SERPINA9: variants seen among roughly 807,000 people sequenced by gnomAD.
SERPINA9 encodes the protein serpin A9.
Under a neutral mutation model 24.5 loss-of-function variants are expected in SERPINA9, and 32 were observed. The ratio of observed to expected loss-of-function variants is 1.30; its 90% CI spans 0.98 to 1.75. The LOEUF is 1.75. Among genes scored for constraint, SERPINA9 ranks in the 40% most tolerant of loss-of-function variants. The pLI, the probability that SERPINA9 is intolerant of heterozygous loss-of-function variation, is 0.00. For synonymous variants in SERPINA9, 233 were observed against 197.7 expected (o/e 1.18, Z -1.50); for missense variants, 594 against 497.1 (o/e 1.19, Z -1.85).
chr14:94,475,436 A>G (rs1899554385), intron 1 of SERPINA9, among the ~76,000 whole-genome samples: 1 of 71,010 alleles, frequency 1.4e-5, no homozygotes, highest in African/African-American at 5.5e-5. Context: ...ACACACACAC[A>G]TACACACACA....
At chr14:94,475,118 A>G (rs1212516696) in intron 1 of SERPINA9, among the ~76,000 whole-genome samples, 1 of 151,130 alleles carries the variant, frequency 6.6e-6, no homozygotes, top group East Asian at 2.0e-4. Flanking sequence ...ACTGTGCTTC[A>G]CCCCCAGGCC....
In SERPINA9 at chr14:94,463,069, A is replaced by G. The variant is rs373273760; in HGVS notation, c.*24T>C. 137 of 1,565,614 alleles carry G rather than the reference A, an allele frequency of 8.8e-5. No individual in the cohort carries two copies. Among genetic ancestry groups the G allele is most frequent in the Admixed American group, 3.7e-4 (22 of 59,942 alleles). On this transcript the variant is annotated 3_prime_UTR_variant, in exon 5 of 5. Coordinates refer to ENST00000674397, the MANE Select transcript of SERPINA9 (RefSeq NM_175739.4). ...ATTTCTTGTGCATTAGCAATGTGCC[A>G]TCAGTTAACAGGCCATTTCCCACCT... is the stretch of plus-strand genomic sequence containing the variant.
chr14:94,469,245 G>A lies in SERPINA9; in HGVS notation c.596C>T (p.Ala199Val). Residue 199 changes from alanine to valine, a missense_variant, in exon 2 of 5, where the codon GCC (alanine) becomes GTC (valine). Ala to Val is a moderately conservative substitution (Grantham distance 64). Transcript: ENST00000674397. ...DIIQGLDLLT[A>V]MVLVNHIFFK... is the part of the protein sequence containing the mutation. ...GAAAATGTGGTTCACCAGAACCATG[G>A]CCGTCAGAAGGTCAAGGCCTTGGAT... The A allele has an allele frequency of 6.2e-7, 1 of 1,613,820 alleles. No homozygotes were observed. The highest frequency in any genetic ancestry group is 8.5e-7 in the Non-Finnish European group (1 of 1,179,864).
intron 1 of SERPINA9, chr14:94,475,839 T>G: frequency 2.1e-6 from 1 of 482,254 alleles, no homozygotes; most frequent in South Asian, 4.1e-5. Flanking sequence ...TCTCATTTGC[T>G]TCTAGCAGCT....
chr14:94,475,115 T>C, intron 1 of SERPINA9, among the ~76,000 whole-genome samples: 1 of 152,094 alleles, frequency 6.6e-6, no homozygotes, highest in East Asian at 1.9e-4. Context: ...TCTACTGTGC[T>C]TCACCCCCAG....
At chr14:94,470,705 C>T (rs72631636) in intron 1 of SERPINA9, among the ~76,000 whole-genome samples, 2,709 of 152,242 alleles carry the variant, frequency 0.018, 113 homozygotes, top group South Asian at 0.13. Flanking sequence ...TTGTGCAGCA[C>T]GGGACCCAGC....
intron 3 of SERPINA9, among the ~76,000 whole-genome samples, chr14:94,465,511 G>A (rs1898961107): frequency 1.3e-5 from 2 of 150,512 alleles, no homozygotes; most frequent in Non-Finnish European, 2.9e-5. Flanking sequence ...TGAACCAAGA[G>A]TAAACAGCCC....
intron 1 of SERPINA9, among the ~76,000 whole-genome samples, chr14:94,475,737 A>C (rs1899591224): frequency 6.6e-6 from 1 of 152,240 alleles, no homozygotes; most frequent in African/African-American, 2.4e-5. Context: ...TCTCAAGCTG[A>C]TCCTTGCTGT....
chr14:94,474,383 T>C (rs990669218), intron 1 of SERPINA9, among the ~76,000 whole-genome samples: 43 of 152,300 alleles, frequency 2.8e-4, no homozygotes, highest in African/African-American at 9.4e-4. Flanking sequence ...CTAGTAAATG[T>C]CCTGAGTCAT....
At chr14:94,469,917 G>A in intron 1 of SERPINA9, 60 bp from the exon 2 acceptor site, 1 of 1,399,082 alleles carries the variant, frequency 7.1e-7, no homozygotes, top group Admixed American at 2.3e-5. Context: ...CTGAATCAGA[G>A]ACCCTTTAAC....
rs918681535 is a variant in SERPINA9, at chr14:94,464,821, A to T, written c.936T>A (p.Ile312=). Residue 312 remains isoleucine, a synonymous_variant, in exon 4 of 5, where the codon ATT becomes ATA. Transcript: ENST00000674397. ...WIEVFIPRFS[I]SASYNLETIL... ...TGGTTTCCAGATTGTAGGAGGCAGA[A>T]ATGGAAAATCTGGGGATGAACACCT... 3 of 1,613,844 alleles carry T rather than the reference A, an allele frequency of 1.9e-6. No individual in the cohort carries two copies. The highest frequency in any genetic ancestry group is 2.2e-5 in the East Asian group (1 of 44,880).
chr14:94,472,186 C>T (rs1300837283), intron 1 of SERPINA9, among the ~76,000 whole-genome samples: 2 of 152,178 alleles, frequency 1.3e-5, no homozygotes, highest in Non-Finnish European at 2.9e-5. Flanking sequence ...AATTTATCTG[C>T]AGCCTCTGCA....
In SERPINA9 at chr14:94,476,197, T is replaced by C; in HGVS notation, c.-79A>G. 1 of 1,614,186 alleles carries C rather than the reference T, an allele frequency of 6.2e-7. No homozygotes were observed. The highest frequency in any genetic ancestry group is 8.5e-7 in the Non-Finnish European group (1 of 1,180,014). ...TGGTTGGTGAGCCCTGACACTTGCT[T>C]ACTTGGTTGTAGCTCTCTCCTCACT... On this transcript the variant is annotated 5_prime_UTR_variant, in exon 1 of 5. Coordinates refer to ENST00000674397, the MANE Select transcript of SERPINA9 (RefSeq NM_175739.4).
Position 94,463,000 on chromosome 14 carries a change from G to A in SERPINA9, c.*93C>T, listed in dbSNP as rs145012941. On this transcript the variant is annotated 3_prime_UTR_variant, in exon 5 of 5. Transcript: ENST00000674397. ...CCTGCCAGCGAATCCAGCTCCACTG[G>A]GGTCAAATGCACCCTCAGAACAGAA... The A allele has an allele frequency of 2.4e-5, 27 of 1,113,448 alleles. No homozygotes were observed. Among genetic ancestry groups the A allele is most frequent in the African/African-American group, 1.5e-4 (10 of 65,666 alleles). The allele number at this position is 1,113,448 out of a possible 1,614,324, so 69.0% of individuals were successfully genotyped here. A position where few individuals can be genotyped will look rare whatever the true frequency, so the allele number is the denominator to read the frequency against.
intron 1 of SERPINA9, among the ~76,000 whole-genome samples, chr14:94,470,496 G>C (rs1899258954): frequency 6.6e-6 from 1 of 152,228 alleles, no homozygotes. Flanking sequence ...AGCCTCAGCT[G>C]ACATGGCTTT....
At position 94,467,177 on chromosome 14, in the gene SERPINA9, C is replaced by T. The variant is rs2139803826; in HGVS notation, c.834G>A (p.Lys278=). ...VAFFVLPSKG[K]MRQLEQALSA... ...ACAAGGCCTGTTCCAGTTGCCTCATCTTGCCCTTGCTAGGGAGGACAAAGA... is the reference window on the plus strand; with the variant it reads ...ACAAGGCCTGTTCCAGTTGCCTCATTTTGCCCTTGCTAGGGAGGACAAAGA... Residue 278 remains lysine, a synonymous_variant, in exon 3 of 5, where the codon AAG becomes AAA. Transcript: ENST00000674397. 3 of 1,614,214 alleles carry T rather than the reference C, an allele frequency of 1.9e-6. No homozygotes were observed. The highest frequency in any genetic ancestry group is 4.5e-5 in the East Asian group (2 of 44,894).
chr14:94,474,282 TGGCCTATTAGACGC>T (rs991915535), intron 1 of SERPINA9, among the ~76,000 whole-genome samples: 3 of 152,164 alleles, frequency 2.0e-5, no homozygotes, highest in African/African-American at 7.2e-5. Context: ...TCAGCAGAGG[TGGCCTATTAGACGC>T]GGCCTCCACG....
intron 3 of SERPINA9, among the ~76,000 whole-genome samples, chr14:94,465,808 C>T (rs996772391): frequency 3.9e-5 from 6 of 152,310 alleles, no homozygotes; most frequent in African/African-American, 1.2e-4. Context: ...GGATTACAGG[C>T]GTGAGTCCAG....
rs746825992 is a variant in SERPINA9, at chr14:94,469,435, G to T, written c.406C>A (p.Leu136Ile). Residue 136 changes from leucine (L) to isoleucine (I), a missense_variant, in exon 2 of 5, where the codon CTC (leucine) becomes ATC (isoleucine). By Grantham distance (5) the Leu-to-Ile change is conservative. Coordinates refer to ENST00000674397, the MANE Select transcript of SERPINA9 (RefSeq NM_175739.4). ...AGCTGCAGCTCCTTCTTGACGAAGAGGGCACTTCCCATCTTCAAGGTCAGG... is the reference window on the plus strand; with the variant it reads ...AGCTGCAGCTCCTTCTTGACGAAGATGGCACTTCCCATCTTCAAGGTCAGG... ...KDLTLKMGSA[L>I]FVKKELQLQA... The T allele has an allele frequency of 6.2e-7, 1 of 1,614,140 alleles. No individual in the cohort carries two copies. The highest frequency in any genetic ancestry group is 1.1e-5 in the South Asian group (1 of 91,076).
Sources: gnomAD v4.1 joint callset for allele counts (sites outside exome capture counted in the v4.1 genomes callset) on GRCh38, gnomAD v4.1.1 for gene constraint, MANE v1.5 for transcripts, NCBI Gene and HGNC (gene_info 2026-07-23, HGNC 2026-07-21) for gene names.